ERP44: variants seen among roughly 807,000 people sequenced by gnomAD.
The protein encoded by ERP44 is endoplasmic reticulum resident protein 44.
Under a neutral mutation model 53.4 loss-of-function variants are expected in ERP44, and 25 were observed. The observed-to-expected ratio is 0.47, with a 90% CI of 0.34 to 0.65. The LOEUF (loss-of-function observed/expected upper bound fraction) is 0.65, where lower values mean the gene tolerates loss of function less well. Ranked by LOEUF, ERP44 falls within the 30% of genes least tolerant of loss-of-function variation. The pLI, the probability that ERP44 is intolerant of heterozygous loss-of-function variation, is 0.01. For synonymous variants in ERP44, 145 were observed against 161.2 expected, an observed-to-expected ratio of 0.90 and a Z score of 0.76; for missense variants, 338 against 493.2, an observed-to-expected ratio of 0.69 and a Z score of 2.98.
At chr9:100,067,811 G>A (rs1264258372) in intron 1 of ERP44, among the ~76,000 whole-genome samples, 4 of 149,122 alleles carry the variant, frequency 2.7e-5, no homozygotes, top group South Asian at 2.1e-4. Context: ...GCCGCCCATC[G>A]TCTGAGATGT....
intron 10 of ERP44, among the ~76,000 whole-genome samples, chr9:99,989,695 G>A (rs1413214584): frequency 6.6e-6 from 1 of 152,128 alleles, no homozygotes; most frequent in Non-Finnish European, 1.5e-5. Context: ...GTTGACAGAA[G>A]TAGGCTTCAG....
In ERP44 at chr9:100,020,731, G is replaced by A. The variant is rs1413285179; in HGVS notation, c.472C>T (p.Arg158Cys). ...RDLAEITTLD[R>C]SKRNIIGYFE... ...TATCCAATGATATTTCTTTTGCTGCGCTGTAAAATAAAGTATGCAATTATT... is the reference window on the plus strand; with the variant it reads ...TATCCAATGATATTTCTTTTGCTGCACTGTAAAATAAAGTATGCAATTATT... The change falls in exon 6 of 12, where the codon CGC becomes TGC. Residue 158 changes from arginine (R) to cysteine (C), a missense_variant and splice_region_variant. Physicochemically the swap from Arg to Cys is radical, Grantham distance 180. Coordinates refer to ENST00000262455, the MANE Select transcript of ERP44 (RefSeq NM_015051.3). 9.3e-6 allele frequency: 14 copies of A among 1,512,122 alleles called. No homozygotes were observed. The highest frequency in any genetic ancestry group is 1.7e-5 in the Admixed American group (1 of 59,102). The allele number at this position is 1,512,122 out of a possible 1,614,324, so 93.7% of individuals were successfully genotyped here.
chr9:100,088,606 G>A (rs1826513777), intron 1 of ERP44, among the ~76,000 whole-genome samples: 1 of 152,162 alleles, frequency 6.6e-6, no homozygotes, highest in Admixed American at 6.5e-5. Flanking sequence ...TGAGATCTAA[G>A]AATGAGAAAA....
intron 1 of ERP44, among the ~76,000 whole-genome samples, chr9:100,097,967 G>A (rs886666743): frequency 6.6e-6 from 1 of 152,166 alleles, no homozygotes; most frequent in African/African-American, 2.4e-5. Context: ...TTAAATATAA[G>A]CCATTTTGCC....
chr9:100,033,752 T>C (rs1226828260), intron 4 of ERP44, among the ~76,000 whole-genome samples: 1 of 152,222 alleles, frequency 6.6e-6, no homozygotes, highest in Non-Finnish European at 1.5e-5. Context: ...CAGTCATCTC[T>C]GGCTGGTACT....
At chr9:100,067,336 G>A (rs918725546) in intron 1 of ERP44, among the ~76,000 whole-genome samples, 3 of 151,846 alleles carry the variant, frequency 2.0e-5, no homozygotes, top group Admixed American at 6.5e-5. Context: ...GACTGCAGGC[G>A]CGCGCCGCCG....
intron 4 of ERP44, 42 bp downstream of exon 4, chr9:100,052,375 G>A: frequency 1.0e-6 from 1 of 1,002,260 alleles, no homozygotes; most frequent in East Asian, 2.7e-5. Context: ...CCTGTGTTTG[G>A]GATGGGACAG....
chr9:99,994,072 A>C (rs1830284618), intron 10 of ERP44, among the ~76,000 whole-genome samples: 1 of 152,240 alleles, frequency 6.6e-6, no homozygotes, highest in African/African-American at 2.4e-5. Context: ...AACTAGTTCA[A>C]CCATTGTGGA....
At chr9:100,058,251 T>C (rs1826106675) in intron 2 of ERP44, among the ~76,000 whole-genome samples, 1 of 152,078 alleles carries the variant, frequency 6.6e-6, no homozygotes, top group Non-Finnish European at 1.5e-5. Flanking sequence ...AATTTTTGTA[T>C]TTTTTTGTAG....
intron 7 of ERP44, among the ~76,000 whole-genome samples, chr9:100,017,895 A>G (rs1194997288): frequency 2.6e-5 from 4 of 152,180 alleles, no homozygotes; most frequent in African/African-American, 9.7e-5. Context: ...TGGCTAGTAC[A>G]ATACGGGTAG....
Position 100,018,275 on chromosome 9 carries a change from A to G in ERP44, c.626T>C (p.Ile209Thr). ...SKPERYSGDN[I>T]IYKPPGHSAP... The stretch of plus-strand genomic sequence containing the variant: ...ACTTACCCCTGGTGGTTTGTAGATT[A>G]TGTTGTCGCCACTATATCTTTCCGG... Residue 209 changes from isoleucine (I) to threonine (T), a missense_variant, in exon 7 of 12, where the codon ATA (isoleucine) becomes ACA (threonine). Ile to Thr is a moderately conservative substitution (Grantham distance 89). Around this residue, in one of 3 missense-constraint regions of ERP44, gnomAD observed 224 missense variants for 301.4 expected, o/e 0.74. Coordinates refer to ENST00000262455, the MANE Select transcript of ERP44 (RefSeq NM_015051.3). 3 of 1,605,898 alleles carry G rather than the reference A, an allele frequency of 1.9e-6. No individual in the cohort carries two copies. In the South Asian group the frequency reaches 3.3e-5, roughly 18 times the overall value.
intron 1 of ERP44, among the ~76,000 whole-genome samples, chr9:100,088,573 T>C (rs1430402762): frequency 1.3e-5 from 2 of 152,198 alleles, no homozygotes; most frequent in African/African-American, 2.4e-5. Context: ...ATTTACTCTA[T>C]AATAAGGCAT....
intron 4 of ERP44, among the ~76,000 whole-genome samples, chr9:100,041,538 C>T (rs1049167902): frequency 5.3e-5 from 8 of 151,994 alleles, no homozygotes; most frequent in Non-Finnish European, 7.4e-5. Context: ...TATGGTGGCA[C>T]GTGCCTGTAG....
At position 100,057,955 on chromosome 9, in the gene ERP44, C is replaced by G. The variant is rs1044251578; in HGVS notation, c.131-96G>C. 2.4e-5 allele frequency: 23 copies of G among 951,760 alleles called. No homozygotes were observed. The African/African-American group carries it at 3.2e-4, about 13-fold the overall frequency. 59.0% of individuals were successfully genotyped at this position (951,760 alleles called of 1,614,324 possible). A position where few individuals can be genotyped will look rare whatever the true frequency, so the allele number is the denominator to read the frequency against. Reference sequence around the variant, plus strand: ...TATGATCTTTGTCCAATATAAGGGTCCACTTAAAAAAACACAGTAACTATT... The same window carrying G: ...TATGATCTTTGTCCAATATAAGGGTGCACTTAAAAAAACACAGTAACTATT... On this transcript the variant is annotated intron_variant, in intron 2 of 11. Transcript: ENST00000262455.
At chr9:100,005,526 T>G (rs111983414) in intron 10 of ERP44, among the ~76,000 whole-genome samples, 2 of 152,256 alleles carry the variant, frequency 1.3e-5, no homozygotes, top group Admixed American at 1.3e-4. Context: ...CTTTATGGTT[T>G]ATAACATAAT....
chr9:100,018,280 G>A lies in ERP44; in HGVS notation c.621C>T (p.Asp207=). The change falls in exon 7 of 12, where the codon GAC becomes GAT. Residue 207 remains aspartate, a synonymous_variant. Coordinates refer to ENST00000262455, the MANE Select transcript of ERP44 (RefSeq NM_015051.3). ...CCCCTGGTGGTTTGTAGATTATGTT[G>A]TCGCCACTATATCTTTCCGGTTTTG... ...DVSKPERYSG[D]NIIYKPPGHS... is the part of the protein sequence containing the mutation. 1 of 1,606,338 alleles carries A rather than the reference G, an allele frequency of 6.2e-7. No homozygotes were observed. The highest frequency in any genetic ancestry group is 1.3e-5 in the African/African-American group (1 of 74,818).
At chr9:100,077,470 C>G (rs1190364882) in intron 1 of ERP44, among the ~76,000 whole-genome samples, 1 of 152,176 alleles carries the variant, frequency 6.6e-6, no homozygotes, top group South Asian at 2.1e-4. Context: ...GAATCAACAT[C>G]CAATATATGG....
chr9:100,007,767 T>G (rs1412471629), intron 8 of ERP44, 78 bp from the exon 9 acceptor site: 1 of 818,676 alleles, frequency 1.2e-6, no homozygotes, highest in Non-Finnish European at 2.1e-6. Context: ...GGAACAATTT[T>G]GAACCCAACC....
At chr9:100,068,491 C>A (rs1234518616) in intron 1 of ERP44, among the ~76,000 whole-genome samples, 3 of 138,320 alleles carry the variant, frequency 2.2e-5, no homozygotes, top group Non-Finnish European at 4.7e-5. Context: ...CCCCTCTGCC[C>A]GGCCAGCCGC....
Sources: allele counts gnomAD v4.1 joint callset (sites outside exome capture counted in the v4.1 genomes callset), GRCh38; gene constraint gnomAD v4.1.1; regional missense constraint gnomAD v4.1.1; transcripts MANE v1.5; gene names NCBI Gene and HGNC (gene_info 2026-07-23, HGNC 2026-07-21).